The following CACUL1 variants were observed in gnomAD, a reference collection of about 807,000 sequenced individuals.
CACUL1 encodes CDK2-associated and cullin domain-containing protein 1.
CACUL1 carries 13 observed loss-of-function variants against 45.2 expected under a neutral mutation model. That is an observed-to-expected ratio of 0.29 (90% CI 0.19 to 0.46). CACUL1 has a LOEUF of 0.46. CACUL1 is among the 20% of genes least tolerant of loss of function. The pLI, the probability that CACUL1 is intolerant of heterozygous loss-of-function variation, is 1.00. For synonymous variants in CACUL1, 197 were observed against 174.2 expected (o/e 1.13, Z -1.03); for missense variants, 421 against 471.4 (o/e 0.89, Z 0.99).
rs1221506453 is a variant in CACUL1 at position 118,680,230 on chromosome 10, A to G, written c.*5898T>C. The G allele has an allele frequency of 6.6e-6, 1 of 152,226 alleles. No individual in the cohort carries two copies. The highest frequency in any genetic ancestry group is 1.5e-5 in the Non-Finnish European group (1 of 68,046). The allele number at this position is 152,226 out of a possible 1,614,324, so 9.4% of individuals were successfully genotyped here. A position where few individuals can be genotyped will look rare whatever the true frequency, so the allele number is the denominator to read the frequency against. ...CCAATCGAAGAAATAAAATTCACAC[A>G]TATACACACACACACACAGAGCTGG... On this transcript the variant is annotated 3_prime_UTR_variant, in exon 9 of 9. Transcript: ENST00000369151.
rs1209202555 is a variant in CACUL1, at chr10:118,745,987, A to AC, written c.367+8408dup. ...CCCCATCTCTACTAAAAAAAAAAAT[A>AC]CAAAAAAAAAAAAAATTAGCTGGGC... On this transcript the variant is annotated intron_variant, in intron 1 of 8. Coordinates refer to ENST00000369151, the MANE Select transcript of CACUL1 (RefSeq NM_153810.5). 1.5e-4 allele frequency among the ~76,000 whole-genome samples: 21 copies of AC among 144,302 alleles called. No homozygotes were observed. In the East Asian group the frequency reaches 4.3e-3, roughly 29 times the overall value. The allele number at this position is 144,302 out of a possible 152,430, so 94.7% of individuals were successfully genotyped here.
chr10:118,712,014 CA>C (rs1170914194), intron 3 of CACUL1, among the ~76,000 whole-genome samples: 1 of 152,244 alleles, frequency 6.6e-6, no homozygotes, highest in African/African-American at 2.4e-5. Context: ...CTTATTTCAA[CA>C]TGACAGTATT....
rs1005033020 is a variant in CACUL1, at chr10:118,678,403, A to C, written c.*7725T>G. On this transcript the variant is annotated 3_prime_UTR_variant, in exon 9 of 9. Transcript: ENST00000369151. ...ACTACCTTTGGCAGTAAGTGTTAGA[A>C]TCTTGTAGTGCTAGTTCCCCTCACA... 6.6e-6 allele frequency: 1 copy of C among 152,210 alleles called. No individual in the cohort carries two copies. Among genetic ancestry groups the C allele is most frequent in the African/African-American group, 2.4e-5 (1 of 41,468 alleles). The allele number at this position is 152,210 out of a possible 1,614,324, so 9.4% of individuals were successfully genotyped here.
chr10:118,693,446 G>C, intron 6 of CACUL1: 1 of 182,074 alleles, frequency 5.5e-6, no homozygotes, highest in Non-Finnish European at 1.2e-5. Context: ...TTTTCAAAAG[G>C]ACAATTCTCA....
chr10:118,740,388 T>C (rs1390683410), intron 1 of CACUL1, among the ~76,000 whole-genome samples: 2 of 152,036 alleles, frequency 1.3e-5, no homozygotes, highest in African/African-American at 2.4e-5. Context: ...CTCAGGCAGA[T>C]GGCTTGAGGC....
chr10:118,747,563 G>A (rs115273727), intron 1 of CACUL1, among the ~76,000 whole-genome samples: 2,675 of 140,630 alleles, frequency 0.019, 43 homozygotes, highest in Non-Finnish European at 0.032. Context: ...GACTACTTTG[G>A]GATATCCAAA....
intron 3 of CACUL1, among the ~76,000 whole-genome samples, chr10:118,716,510 T>C (rs1845547031): frequency 6.6e-6 from 1 of 152,130 alleles, no homozygotes. Flanking sequence ...TATGCTTTGC[T>C]GTTTATGTTA....
Position 118,754,465 on chromosome 10 carries a change from C to T in CACUL1, c.298G>A (p.Val100Met), listed in dbSNP as rs780308072. ...GTGGGGGCGGGGGCCGCCTTGGCCA[C>T]GGCGGCGGCCGCGTCGCAGCTCTTC... ...MLKSCDAAAA[V>M]AKAAPAPTAS... Residue 100 changes from valine to methionine, a missense_variant, in exon 1 of 9, where the codon GTG (valine) becomes ATG (methionine). This residue lies in a region of CACUL1 where 213 missense variants were observed against 173.1 expected (regional missense o/e 1.23). Coordinates refer to ENST00000369151, the MANE Select transcript of CACUL1 (RefSeq NM_153810.5). The T allele has an allele frequency of 7.5e-6, 12 of 1,605,842 alleles. No homozygotes were observed. Among genetic ancestry groups the T allele is most frequent in the East Asian group, 2.3e-5 (1 of 44,240 alleles).
Position 118,754,604 on chromosome 10 carries a change from C to A in CACUL1, c.159G>T (p.Pro53=). Residue 53 remains proline, a synonymous_variant, in exon 1 of 9, where the codon CCG becomes CCT. Transcript: ENST00000369151. ...CGGGCACCGCCAGCAGCTGCCCCCCCGGAGGCTCTCGGGCAGGGGCCGGGA... is the reference window on the plus strand; with the variant it reads ...CGGGCACCGCCAGCAGCTGCCCCCCAGGAGGCTCTCGGGCAGGGGCCGGGA... ...SSIPAPAREP[P]GGQLLAVPAV... 6.2e-7 allele frequency: 1 copy of A among 1,608,484 alleles called. No individual in the cohort carries two copies.
In CACUL1 at chr10:118,746,883, G is replaced by A. The variant is rs1475170331; in HGVS notation, c.367+7513C>T. Reference sequence around the variant, plus strand: ...AAATAAATACACAAAGAGATACTACGATTCTCTAGAACAGGGGTCCCCAAC... The same window carrying A: ...AAATAAATACACAAAGAGATACTACAATTCTCTAGAACAGGGGTCCCCAAC... On this transcript the variant is annotated intron_variant, in intron 1 of 8. Transcript: ENST00000369151. Among the ~76,000 whole-genome samples the A allele has an allele frequency of 3.3e-5, 5 of 152,184 alleles. No homozygotes were observed. In the South Asian group the frequency reaches 1.0e-3, roughly 31 times the overall value.
In CACUL1 at chr10:118,754,718, C is replaced by T; in HGVS notation, c.45G>A (p.Ala15=). 1 of 1,604,482 alleles carries T rather than the reference C, an allele frequency of 6.2e-7. No individual in the cohort carries two copies. Among genetic ancestry groups the T allele is most frequent in the Non-Finnish European group, 8.5e-7 (1 of 1,176,456 alleles). Residue 15 remains alanine (A), a synonymous_variant, in exon 1 of 9, where the codon GCG becomes GCA. Transcript: ENST00000369151. ...TGTTGTGGTTCTGGTCGTCCATCAT[C>T]GCCTCGTAGCTGCCCCCCTCCTCCT... ...MEEEEGGSYE[A]MMDDQNHNNW... is the part of the protein sequence containing the mutation.
At chr10:118,698,203 T>C (rs1030657311) in intron 5 of CACUL1, among the ~76,000 whole-genome samples, 5 of 151,264 alleles carry the variant, frequency 3.3e-5, no homozygotes, top group Admixed American at 6.6e-5. Flanking sequence ...TGGAGTGCAG[T>C]GGCGATCTTG....
At chr10:118,730,193 T>G in intron 2 of CACUL1, 91 bp downstream of exon 2, 2 of 1,323,450 alleles carry the variant, frequency 1.5e-6, no homozygotes. Context: ...ATCTTATGCA[T>G]TCTACATTAC....
At chr10:118,744,114 G>A (rs1369128959) in intron 1 of CACUL1, among the ~76,000 whole-genome samples, 3 of 152,176 alleles carry the variant, frequency 2.0e-5, no homozygotes, top group African/African-American at 7.2e-5. Flanking sequence ...GGCCGGATGC[G>A]GTGGCTCACG....
At chr10:118,698,266 C>T (rs941752986) in intron 5 of CACUL1, among the ~76,000 whole-genome samples, 1 of 151,894 alleles carries the variant, frequency 6.6e-6, no homozygotes, top group Non-Finnish European at 1.5e-5. Context: ...GCCTCAGCCT[C>T]CCAAGTAGCT....
rs1845137299 is a variant in CACUL1, at chr10:118,679,880, C to T, written c.*6248G>A. 1 of 152,136 alleles carries T rather than the reference C, an allele frequency of 6.6e-6. No individual in the cohort carries two copies. Among genetic ancestry groups the T allele is most frequent in the Non-Finnish European group, 1.5e-5 (1 of 68,052 alleles). The allele number at this position is 152,136 out of a possible 1,614,324, so 9.4% of individuals were successfully genotyped here. ...GTGTTACCCAGGCTGGTCTCAAATC[C>T]TGGCTTCAAGCAATCTTCCCACCTC... On this transcript the variant is annotated 3_prime_UTR_variant, in exon 9 of 9. Coordinates refer to ENST00000369151, the MANE Select transcript of CACUL1 (RefSeq NM_153810.5).
chr10:118,695,666 T>C (rs1166378486), intron 5 of CACUL1, among the ~76,000 whole-genome samples: 6 of 152,226 alleles, frequency 3.9e-5, no homozygotes, highest in African/African-American at 9.7e-5. Flanking sequence ...TTTCCACAAA[T>C]GCTATAGCTA....
At chr10:118,702,045 A>T (rs1845385483) in intron 4 of CACUL1, among the ~76,000 whole-genome samples, 2 of 152,128 alleles carry the variant, frequency 1.3e-5, no homozygotes, top group Non-Finnish European at 2.9e-5. Flanking sequence ...ATCACAAAAG[A>T]AGTGAAAATG....
intron 4 of CACUL1, among the ~76,000 whole-genome samples, chr10:118,702,220 A>G (rs894196520): frequency 1.3e-5 from 2 of 152,098 alleles, no homozygotes; most frequent in African/African-American, 4.8e-5. Flanking sequence ...CACAAATCCT[A>G]TAAAACTGCC....
Sources: allele counts gnomAD v4.1 joint callset (sites outside exome capture counted in the v4.1 genomes callset), GRCh38; gene constraint gnomAD v4.1.1; regional missense constraint gnomAD v4.1.1; transcripts MANE v1.5; gene names NCBI Gene and HGNC (gene_info 2026-07-23, HGNC 2026-07-21).